PREX2: variants seen among roughly 807,000 people sequenced by gnomAD.
The protein encoded by PREX2 is phosphatidylinositol 3,4,5-trisphosphate-dependent Rac exchanger 2 protein.
Under a neutral mutation model 203.2 loss-of-function variants are expected in PREX2, and 107 were observed. That is an observed-to-expected ratio of 0.53 (90% CI 0.45 to 0.62). The LOEUF is 0.62. PREX2 is among the 20% of genes least tolerant of loss of function. The pLI is 0.00. For synonymous variants in PREX2, 672 were observed against 663.6 expected (o/e 1.01, Z -0.19); for missense variants, 1,777 against 1,955.9 (o/e 0.91, Z 1.72).
At chr8:68,053,540 AT>A (rs1224998741) in intron 9 of PREX2, among the ~76,000 whole-genome samples, 1 of 152,124 alleles carries the variant, frequency 6.6e-6, no homozygotes, top group Non-Finnish European at 1.5e-5. Flanking sequence ...CTTTTAAATA[AT>A]TTTTTTAAAT....
intron 7 of PREX2, among the ~76,000 whole-genome samples, chr8:68,039,595 G>T (rs1808134277): frequency 6.6e-6 from 1 of 152,112 alleles, no homozygotes; most frequent in Non-Finnish European, 1.5e-5. Flanking sequence ...CCTGCCTGTT[G>T]TGATGGCCAT....
chr8:68,129,942 G>GCAGAT (rs375494981), intron 31 of PREX2, among the ~76,000 whole-genome samples: 20 of 150,860 alleles, frequency 1.3e-4, no homozygotes, highest in African/African-American at 4.4e-4. Context: ...GTAGCTGAAA[G>GCAGAT]CAGATGTGAT....
At chr8:67,988,709 T>C (rs749685740) in intron 1 of PREX2, among the ~76,000 whole-genome samples, 2 of 152,312 alleles carry the variant, frequency 1.3e-5, no homozygotes, top group Non-Finnish European at 2.9e-5. Context: ...AGGGGCCTTC[T>C]CCTTGACCAG....
At chr8:68,007,075 G>A (rs1039337785) in intron 1 of PREX2, among the ~76,000 whole-genome samples, 12 of 152,180 alleles carry the variant, frequency 7.9e-5, no homozygotes. Flanking sequence ...TGTCGATGGA[G>A]CTGCAAGCCA....
chr8:68,104,686 T>C (rs1351600100), intron 23 of PREX2, among the ~76,000 whole-genome samples: 1 of 152,234 alleles, frequency 6.6e-6, no homozygotes, highest in Non-Finnish European at 1.5e-5. Flanking sequence ...CTGTATTCAC[T>C]GTTGACCTCT....
chr8:68,192,043 C>T (rs3763527), intron 36 of PREX2, among the ~76,000 whole-genome samples: 2,703 of 152,210 alleles, frequency 0.018, 115 homozygotes, highest in East Asian at 0.17. Flanking sequence ...CACCCATCAA[C>T]CCATCACCTA....
intron 23 of PREX2, chr8:68,105,125 T>G: frequency 7.3e-7 from 1 of 1,367,194 alleles, no homozygotes; most frequent in African/African-American, 1.5e-5. Context: ...GAACTGTACC[T>G]TCCATATTTT....
At chr8:68,028,507 C>G (rs938815292) in intron 5 of PREX2, among the ~76,000 whole-genome samples, 2 of 151,902 alleles carry the variant, frequency 1.3e-5, no homozygotes, top group Non-Finnish European at 2.9e-5. Context: ...CAACTCTTGT[C>G]AATTCCATAA....
At chr8:67,997,571 C>T (rs1806804048) in intron 1 of PREX2, among the ~76,000 whole-genome samples, 1 of 151,882 alleles carries the variant, frequency 6.6e-6, no homozygotes, top group African/African-American at 2.4e-5. Flanking sequence ...CCTTTTTTTC[C>T]CCCAAGATTG....
intron 1 of PREX2, among the ~76,000 whole-genome samples, chr8:67,988,421 C>G (rs1563486830): frequency 6.6e-6 from 1 of 152,158 alleles, no homozygotes; most frequent in Non-Finnish European, 1.5e-5. Context: ...TTACTTAGTC[C>G]TCCTCACAGT....
intron 37 of PREX2, among the ~76,000 whole-genome samples, chr8:68,196,211 G>A (rs1812390762): frequency 6.6e-6 from 1 of 151,606 alleles, no homozygotes; most frequent in Non-Finnish European, 1.5e-5. Flanking sequence ...AGAGGAGTAG[G>A]CTGGACTCTT....
At chr8:68,044,624 ATAG>A in intron 8 of PREX2, 34 bp downstream of exon 8, 1 of 1,422,114 alleles carries the variant, frequency 7.0e-7, no homozygotes, top group Non-Finnish European at 9.9e-7. Flanking sequence ...TGGGATGCCA[ATAG>A]TAAATAGAAA....
Position 68,092,798 on chromosome 8 carries a change from T to A in PREX2, c.2251-807T>A, listed in dbSNP as rs148956575. ...AGATAATTGATTCATCAGACAAGTG[T>A]CCCTCTCACAATTGTTTTATTTTGT... On this transcript the variant is annotated intron_variant, in intron 20 of 39. Transcript: ENST00000288368. 2.7e-3 allele frequency among the ~76,000 whole-genome samples: 418 copies of A among 152,216 alleles called. 2 individuals are homozygous for A. The highest frequency in any genetic ancestry group is 9.3e-3 in the African/African-American group (386 of 41,526).
chr8:68,109,329 TA>T (rs887311745), intron 24 of PREX2, 86 bp from the exon 25 acceptor site: 22 of 969,324 alleles, frequency 2.3e-5, no homozygotes, highest in Middle Eastern at 3.3e-4. Flanking sequence ...ATCTGTCAAT[TA>T]AAAAATAAAT....
intron 1 of PREX2, among the ~76,000 whole-genome samples, chr8:68,015,244 T>C (rs2129610103): frequency 6.6e-6 from 1 of 152,330 alleles, no homozygotes; most frequent in South Asian, 2.1e-4. Context: ...GGAAGGAAGA[T>C]TTAAACCTCT....
At chr8:68,067,145 C>T (rs970557132) in intron 11 of PREX2, among the ~76,000 whole-genome samples, 1 of 152,016 alleles carries the variant, frequency 6.6e-6, no homozygotes, top group Non-Finnish European at 1.5e-5. Context: ...AGTCTGAAGT[C>T]AGTAATGTCA....
chr8:68,115,607 GC>G, intron 25 of PREX2, 145 bp from the exon 26 acceptor site: 1 of 523,540 alleles, frequency 1.9e-6, no homozygotes, highest in Non-Finnish European at 3.2e-6. Context: ...TGAATGACAT[GC>G]TTTTTATGCA....
At chr8:68,148,042 T>A (rs1416988680) in intron 34 of PREX2, among the ~76,000 whole-genome samples, 4 of 151,596 alleles carry the variant, frequency 2.6e-5, no homozygotes, top group Non-Finnish European at 5.9e-5. Flanking sequence ...AGGTCAGGAG[T>A]TAGAGACAAG....
chr8:67,962,620 T>G (rs1805662559), intron 1 of PREX2, among the ~76,000 whole-genome samples: 1 of 151,134 alleles, frequency 6.6e-6, no homozygotes, highest in Non-Finnish European at 1.5e-5. Context: ...TTTTTTTATT[T>G]TTTTGAGATA....
Sources: gnomAD v4.1 joint callset for allele counts (sites outside exome capture counted in the v4.1 genomes callset) on GRCh38, gnomAD v4.1.1 for gene constraint, MANE v1.5 for transcripts, NCBI Gene and HGNC (gene_info 2026-07-23, HGNC 2026-07-21) for gene names.